Variants in NKAIN2 observed in about 807,000 individuals in gnomAD.
NKAIN2 encodes sodium/potassium-transporting ATPase subunit beta-1-interacting protein 2.
NKAIN2 carries 14 observed loss-of-function variants against 32.6 expected under a neutral mutation model. That is an observed-to-expected ratio of 0.43 (90% CI 0.28 to 0.67). NKAIN2 has a LOEUF of 0.67. Among genes scored for constraint, NKAIN2 ranks in the 30% least tolerant of loss-of-function variants. The pLI is 0.17. For missense variants in NKAIN2, 198 were observed against 258.3 expected (o/e 0.77, Z 1.60); for synonymous variants, 80 against 87.2 (o/e 0.92, Z 0.46).
chr6:124,766,341 C>T (rs1778514304), intron 4 of NKAIN2, among the ~76,000 whole-genome samples: 1 of 152,136 alleles, frequency 6.6e-6, no homozygotes, highest in South Asian at 2.1e-4. Context: ...CCTACGGTTG[C>T]CCTGTAAGAG....
At chr6:124,096,100 A>C (rs527921408) in intron 1 of NKAIN2, among the ~76,000 whole-genome samples, 7 of 152,326 alleles carry the variant, frequency 4.6e-5, no homozygotes, top group Non-Finnish European at 7.4e-5. Context: ...TTTTCACATG[A>C]ATAAATAATT....
At chr6:124,668,506 T>G (rs143706662) in intron 4 of NKAIN2, among the ~76,000 whole-genome samples, 28 of 152,268 alleles carry the variant, frequency 1.8e-4, no homozygotes, top group African/African-American at 6.7e-4. Context: ...CCCTGTTCCA[T>G]AACCTAATTG....
chr6:124,623,032 C>G (rs1783167580), intron 3 of NKAIN2, among the ~76,000 whole-genome samples: 1 of 152,118 alleles, frequency 6.6e-6, no homozygotes, highest in South Asian at 2.1e-4. Context: ...GGTAACTGCC[C>G]TCTTCTACCC....
intron 3 of NKAIN2, among the ~76,000 whole-genome samples, chr6:124,429,533 C>T (rs1284934895): frequency 6.6e-6 from 1 of 152,174 alleles, no homozygotes; most frequent in African/African-American, 2.4e-5. Flanking sequence ...GGTTGGCTCT[C>T]TCCAGATGGA....
intron 4 of NKAIN2, among the ~76,000 whole-genome samples, chr6:124,695,559 C>A (rs533586611): frequency 6.6e-6 from 1 of 152,114 alleles, no homozygotes; most frequent in Non-Finnish European, 1.5e-5. Context: ...ATAACAGTAG[C>A]CTGAGTAACC....
chr6:124,157,820 T>A (rs1167809398), intron 1 of NKAIN2, among the ~76,000 whole-genome samples: 5 of 152,218 alleles, frequency 3.3e-5, no homozygotes, highest in Non-Finnish European at 7.3e-5. Context: ...TTTCTTTTTT[T>A]AAAGCTATGA....
intron 1 of NKAIN2, among the ~76,000 whole-genome samples, chr6:124,165,514 T>C (rs1430214532): frequency 1.3e-5 from 2 of 152,166 alleles, no homozygotes; most frequent in South Asian, 2.1e-4. Flanking sequence ...TATTTTTTTA[T>C]TTTATTTTAT....
At chr6:124,279,024 A>T (rs1262694527) in intron 1 of NKAIN2, among the ~76,000 whole-genome samples, 1 of 152,162 alleles carries the variant, frequency 6.6e-6, no homozygotes, top group African/African-American at 2.4e-5. Context: ...ACACACAACT[A>T]CATTGCAATC....
chr6:124,328,967 C>T (rs1369168815), intron 2 of NKAIN2, among the ~76,000 whole-genome samples: 1 of 152,202 alleles, frequency 6.6e-6, no homozygotes, highest in Non-Finnish European at 1.5e-5. Flanking sequence ...CTGGAAACAA[C>T]CCCTCCACAT....
At chr6:124,127,813 G>A (rs767834003) in intron 1 of NKAIN2, among the ~76,000 whole-genome samples, 19 of 152,004 alleles carry the variant, frequency 1.2e-4, no homozygotes, top group Non-Finnish European at 2.8e-4. Flanking sequence ...GGAGAGTGAG[G>A]AGGTCGATGG....
intron 1 of NKAIN2, among the ~76,000 whole-genome samples, chr6:123,953,391 G>A (rs568458098): frequency 2.0e-4 from 31 of 152,268 alleles, no homozygotes; most frequent in South Asian, 4.1e-4. Flanking sequence ...TAGTTCAGCC[G>A]TGGGCCAGGC....
At chr6:124,408,218 A>G (rs1773962374) in intron 3 of NKAIN2, among the ~76,000 whole-genome samples, 1 of 151,962 alleles carries the variant, frequency 6.6e-6, no homozygotes, top group Admixed American at 6.6e-5. Flanking sequence ...CCATTTGTCA[A>G]TTTTGGCTTT....
intron 3 of NKAIN2, among the ~76,000 whole-genome samples, chr6:124,494,277 G>C (rs895954847): frequency 2.6e-5 from 4 of 152,088 alleles, no homozygotes; most frequent in Non-Finnish European, 5.9e-5. Context: ...AATAAATGCT[G>C]TTGAACGAAT....
At chr6:123,977,387 A>G (rs904036293) in intron 1 of NKAIN2, among the ~76,000 whole-genome samples, 2 of 152,172 alleles carry the variant, frequency 1.3e-5, no homozygotes, top group Non-Finnish European at 2.9e-5. Context: ...CTCCAGCCTG[A>G]GCAACAGAGT....
At chr6:123,805,481 A>C (rs1278557334) in intron 1 of NKAIN2, among the ~76,000 whole-genome samples, 1 of 152,150 alleles carries the variant, frequency 6.6e-6, no homozygotes, top group Non-Finnish European at 1.5e-5. Flanking sequence ...CTTTCCCCTG[A>C]AAGTTATCTG....
intron 3 of NKAIN2, among the ~76,000 whole-genome samples, chr6:124,539,634 A>G (rs2114841182): frequency 6.6e-6 from 1 of 152,348 alleles, no homozygotes; most frequent in South Asian, 2.1e-4. Context: ...TATTTTTAAT[A>G]GTGATTAAAG....
At chr6:124,117,346 T>A (rs1380099231) in intron 1 of NKAIN2, among the ~76,000 whole-genome samples, 2 of 152,144 alleles carry the variant, frequency 1.3e-5, no homozygotes, top group Non-Finnish European at 2.9e-5. Flanking sequence ...ATTGATAGCA[T>A]CTTTCTCAAT....
chr6:123,805,875 A>G (rs2114850056), intron 1 of NKAIN2, among the ~76,000 whole-genome samples: 1 of 152,272 alleles, frequency 6.6e-6, no homozygotes, highest in African/African-American at 2.4e-5. Context: ...TCGATTTAAA[A>G]TTTGAAAAAT....
chr6:124,483,786 CTAAA>C (rs1398344152), intron 3 of NKAIN2, among the ~76,000 whole-genome samples: 22 of 151,796 alleles, frequency 1.4e-4, no homozygotes, highest in African/African-American at 3.6e-4. Context: ...TGTATTATAA[CTAAA>C]TAATCTTATA....
Sources: allele counts gnomAD v4.1 joint callset (sites outside exome capture counted in the v4.1 genomes callset), GRCh38; gene constraint gnomAD v4.1.1; transcripts MANE v1.5; gene names NCBI Gene and HGNC (gene_info 2026-07-23, HGNC 2026-07-21).